The following OSGIN2 variants were observed in gnomAD, a reference collection of about 807,000 sequenced individuals.
The protein encoded by OSGIN2 is oxidative stress-induced growth inhibitor 2.
In OSGIN2, 19 loss-of-function variants were observed where a neutral mutation model predicts 53.8. The observed-to-expected ratio is 0.35, with a 90% CI of 0.25 to 0.52. OSGIN2 has a LOEUF of 0.52. Ranked by LOEUF, OSGIN2 falls within the 20% of genes least tolerant of loss-of-function variation. The pLI is 0.95. For synonymous variants in OSGIN2, 236 were observed against 236.0 expected (o/e 1.00, Z 0.00); for missense variants, 520 against 662.7 (o/e 0.78, Z 2.36).
At chr8:89,914,268 GT>G in intron 3 of OSGIN2, 55 bp downstream of exon 3, 1 of 1,317,568 alleles carries the variant, frequency 7.6e-7, no homozygotes, top group Non-Finnish European at 1.1e-6. Context: ...AACAAGATTA[GT>G]TTTTATTTAT....
intron 4 of OSGIN2, among the ~76,000 whole-genome samples, chr8:89,920,777 T>C (rs558520858): frequency 6.6e-6 from 1 of 152,260 alleles, no homozygotes; most frequent in African/African-American, 2.4e-5. Flanking sequence ...CTGAATTATG[T>C]TGATCATAGA....
chr8:89,902,868 C>G, intron 1 of OSGIN2, 31 bp downstream of exon 1: 3 of 1,348,078 alleles, frequency 2.2e-6, no homozygotes, highest in Non-Finnish European at 2.9e-6. Context: ...GGGAGGGGAG[C>G]AGGCGGGGAT....
chr8:89,902,184 G>A (rs1808731314), upstream of OSGIN2: 1 of 152,244 alleles, frequency 6.6e-6, no homozygotes, highest in African/African-American at 2.4e-5. Context: ...AAGTGGCCGA[G>A]GCCGCGCCTT....
intron 5 of OSGIN2, among the ~76,000 whole-genome samples, chr8:89,921,558 A>G (rs2130711800): frequency 6.6e-6 from 1 of 152,318 alleles, no homozygotes; most frequent in Admixed American, 6.5e-5. Flanking sequence ...CTGCATACCT[A>G]AAGTGTTTGA....
chr8:89,910,343 T>A (rs1808941769), intron 2 of OSGIN2, among the ~76,000 whole-genome samples: 1 of 152,254 alleles, frequency 6.6e-6, no homozygotes, highest in Admixed American at 6.5e-5. Context: ...AATTACCTGT[T>A]ATGTATATTT....
chr8:89,912,537 A>G, intron 2 of OSGIN2, among the ~76,000 whole-genome samples: 1 of 152,062 alleles, frequency 6.6e-6, no homozygotes. Flanking sequence ...GGGTGGATCA[A>G]GAGATCAAGA....
intron 1 of OSGIN2, among the ~76,000 whole-genome samples, chr8:89,903,264 C>T (rs1207474978): frequency 6.6e-6 from 1 of 152,186 alleles, no homozygotes; most frequent in African/African-American, 2.4e-5. Context: ...CATCTAATCA[C>T]AAATAGATTC....
intron 5 of OSGIN2, chr8:89,921,384 G>T: frequency 2.4e-6 from 1 of 413,000 alleles, no homozygotes; most frequent in Non-Finnish European, 4.3e-6. Context: ...ATTGCAGATT[G>T]GTTTCCTGTG....
chr8:89,910,795 C>T (rs1217004535), intron 2 of OSGIN2, among the ~76,000 whole-genome samples: 1 of 152,222 alleles, frequency 6.6e-6, no homozygotes, highest in East Asian at 1.9e-4. Flanking sequence ...GCCCACTCCA[C>T]TTCCCACAAA....
At position 89,909,611 on chromosome 8, in the gene OSGIN2, T is replaced by C. The variant is rs1409095028; in HGVS notation, c.89T>C (p.Leu30Ser). 2 of 1,599,318 alleles carry C rather than the reference T, an allele frequency of 1.3e-6. No homozygotes were observed. Among genetic ancestry groups the C allele is most frequent in the East Asian group, 2.2e-5 (1 of 44,682 alleles). The change falls in exon 2 of 6, where the codon TTA becomes TCA. Residue 30 changes from leucine (L) to serine (S), a missense_variant. Physicochemically the swap from Leu to Ser is moderately radical, Grantham distance 145 (BLOSUM62 -2). This residue lies in a region of OSGIN2 where 203 missense variants were observed against 275.3 expected (regional missense o/e 0.74). Coordinates refer to ENST00000451899, the MANE Select transcript of OSGIN2 (RefSeq NM_001126111.3). ...ACTGAAGGAGAGATTTTTAATTCCT[T>C]AGTGCAATACTTTGGTGACAACTTG... ...TETEGEIFNS[L>S]VQYFGDNLGR...
At chr8:89,914,801 A>G in intron 4 of OSGIN2, 55 bp downstream of exon 4, 1 of 1,238,588 alleles carries the variant, frequency 8.1e-7, no homozygotes, top group South Asian at 1.3e-5. Flanking sequence ...TCTTGATAAG[A>G]CCAACTTTAT....
At chr8:89,912,661 G>A (rs543221331) in intron 2 of OSGIN2, among the ~76,000 whole-genome samples, 20 of 151,820 alleles carry the variant, frequency 1.3e-4, no homozygotes, top group Non-Finnish European at 2.4e-4. Flanking sequence ...CAGGAGAATC[G>A]CTTGAACCCA....
rs982815288 is a variant in OSGIN2, at chr8:89,926,743, A to C, written c.*1211A>C. On this transcript the variant is annotated 3_prime_UTR_variant, in exon 6 of 6. Coordinates refer to ENST00000451899, the MANE Select transcript of OSGIN2 (RefSeq NM_001126111.3). ...TTCTCCATGGCAAATTGAATTTTTC[A>C]GTCATTTTCTTTTCTTTTTTTGGTA... is the stretch of plus-strand genomic sequence containing the variant. The C allele has an allele frequency of 6.6e-6, 1 of 151,434 alleles. No individual in the cohort carries two copies. Among genetic ancestry groups the C allele is most frequent in the African/African-American group, 2.4e-5 (1 of 41,362 alleles). 9.4% of individuals were successfully genotyped at this position (151,434 alleles called of 1,614,324 possible). A position where few individuals can be genotyped will look rare whatever the true frequency, so the allele number is the denominator to read the frequency against.
At chr8:89,914,501 C>T in intron 3 of OSGIN2, 54 bp from the exon 4 acceptor site, 1 of 1,364,090 alleles carries the variant, frequency 7.3e-7, no homozygotes, top group Non-Finnish European at 1.0e-6. Context: ...TTAGAATATA[C>T]TATCTGGGAA....
In OSGIN2 at chr8:89,909,463, T is replaced by C. The variant is rs147825918; in HGVS notation, c.45-104T>C. 1.4e-3 allele frequency: 849 copies of C among 598,380 alleles called. 7 individuals are homozygous for C. In the African/African-American group the frequency reaches 0.015, roughly 10 times the overall value. 37.1% of individuals were successfully genotyped at this position (598,380 alleles called of 1,614,324 possible). ...GATTTTCTTTGCTTCTTTTATGGAA[T>C]GATTAAAATATTTTATGTCTAAATA... On this transcript the variant is annotated intron_variant, in intron 1 of 5. Transcript: ENST00000451899.
At chr8:89,902,907 C>G (rs1317404427) in intron 1 of OSGIN2, 70 bp downstream of exon 1, 4 of 1,154,738 alleles carry the variant, frequency 3.5e-6, no homozygotes, top group Non-Finnish European at 4.6e-6. Context: ...TTGGCCTGGC[C>G]CGGGCCGGGA....
Position 89,924,683 on chromosome 8 carries a change from A to T in OSGIN2, c.801A>T (p.Leu267Phe). Residue 267 changes from leucine (L) to phenylalanine (F), a missense_variant, in exon 6 of 6, where the codon TTA (leucine) becomes TTT (phenylalanine). Physicochemically the swap from Leu to Phe is conservative, Grantham distance 22 (BLOSUM62 0). Coordinates refer to ENST00000451899, the MANE Select transcript of OSGIN2 (RefSeq NM_001126111.3). The stretch of plus-strand genomic sequence containing the variant: ...ACAGAGATATTTCAACAAAGCATTT[A>T]CAGATAGAGAAGTCAAACTTTATCA... ...IQDRDISTKHLQIEKSNFIKR... is the reference protein window; with the variant it reads ...IQDRDISTKHFQIEKSNFIKR... 1 of 1,614,140 alleles carries T rather than the reference A, an allele frequency of 6.2e-7. No individual in the cohort carries two copies. The highest frequency in any genetic ancestry group is 8.5e-7 in the Non-Finnish European group (1 of 1,179,944).
At chr8:89,912,254 TG>T (rs1401650742) in intron 2 of OSGIN2, among the ~76,000 whole-genome samples, 6 of 152,232 alleles carry the variant, frequency 3.9e-5, no homozygotes, top group African/African-American at 1.4e-4. Flanking sequence ...AAATCCAGTT[TG>T]GTTTTAGTTA....
Position 89,914,709 on chromosome 8 carries a change from T to C in OSGIN2, c.491T>C (p.Val164Ala). 1 of 1,614,014 alleles carries C rather than the reference T, an allele frequency of 6.2e-7. No individual in the cohort carries two copies. Among genetic ancestry groups the C allele is most frequent in the Non-Finnish European group, 8.5e-7 (1 of 1,179,844 alleles). ...GAGCAACATCATTATATCCCTCACG[T>C]AGTTCTTGGTAAAGGTCCACCTGGT... ...KLEQHHYIPH[V>A]VLGKGPPGGA... Residue 164 changes from valine (V) to alanine (A), a missense_variant, in exon 4 of 6, where the codon GTA (valine) becomes GCA (alanine). Val to Ala is a moderately conservative substitution (Grantham distance 64, BLOSUM62 0). Transcript: ENST00000451899.
Sources: gnomAD v4.1 joint callset for allele counts (sites outside exome capture counted in the v4.1 genomes callset) on GRCh38, gnomAD v4.1.1 for gene constraint, gnomAD v4.1.1 regional missense constraint, MANE v1.5 for transcripts, NCBI Gene and HGNC (gene_info 2026-07-23, HGNC 2026-07-21) for gene names.